Variants in STARD13 observed in about 807,000 individuals in gnomAD.
STARD13 encodes the protein StAR related lipid transfer domain containing 13, also known as stAR-related lipid transfer protein 13.
STARD13 carries 62 observed loss-of-function variants against 106.4 expected under a neutral mutation model. That is an observed-to-expected ratio of 0.58 (90% confidence interval 0.48 to 0.72). The LOEUF is 0.72. STARD13 is among the 30% of genes least tolerant of loss of function. The pLI is 0.00. For missense variants in STARD13, 1,387 were observed against 1,424.0 expected, an observed-to-expected ratio of 0.97 and a Z score of 0.42; for synonymous variants, 565 against 553.0, an observed-to-expected ratio of 1.02 and a Z score of -0.31.
At chr13:33,587,230 A>AAAT in the STARD13 span, among the ~76,000 whole-genome samples, 4 of 151,458 alleles carry the variant, frequency 2.6e-5, no homozygotes, top group African/African-American at 9.7e-5. Flanking sequence ...AAAAAAAAAA[A>AAAT]AAATTCTCTT....
the STARD13 span, among the ~76,000 whole-genome samples, chr13:33,477,737 C>T: frequency 2.0e-5 from 3 of 152,166 alleles, no homozygotes; most frequent in Admixed American, 6.5e-5. Flanking sequence ...GATCAATGAC[C>T]AGATTCCCCA....
At chr13:33,422,475 T>C in the STARD13 span, among the ~76,000 whole-genome samples, 1 of 152,172 alleles carries the variant, frequency 6.6e-6, no homozygotes, top group African/African-American at 2.4e-5. Flanking sequence ...CATTCCATGC[T>C]CATGGATAGG....
In STARD13 at chr13:33,177,750, A is replaced by G. The variant is rs779094514; in HGVS notation, c.170-10128T>C. On this transcript the variant is annotated intron_variant, in intron 1 of 13. Coordinates refer to ENST00000336934, the MANE Select transcript of STARD13 (RefSeq NM_178006.4). ...AGAAAGGGAGGGAGGAAGGAAGGAAAAAAGGAAGGAAGGAAGGAAAGGAAG... is the reference window on the plus strand; with the variant it reads ...AGAAAGGGAGGGAGGAAGGAAGGAAGAAAGGAAGGAAGGAAGGAAAGGAAG... Among the ~76,000 whole-genome samples the G allele has an allele frequency of 7.5e-5, 5 of 66,522 alleles. 2 individuals are homozygous for G. The highest frequency in any genetic ancestry group is 8.8e-4 in the South Asian group (2 of 2,282). 43.6% of individuals were successfully genotyped at this position (66,522 alleles called of 152,430 possible).
At chr13:33,259,924 A>C (rs1250027899) in intron 1 of STARD13, among the ~76,000 whole-genome samples, 1 of 143,276 alleles carries the variant, frequency 7.0e-6, no homozygotes, top group Non-Finnish European at 1.5e-5. Context: ...CGAACTCAGG[A>C]GGTGGAAGTT....
intron 3 of STARD13, among the ~76,000 whole-genome samples, chr13:33,152,535 C>T (rs1453481298): frequency 6.6e-6 from 1 of 152,134 alleles, no homozygotes; most frequent in Non-Finnish European, 1.5e-5. Context: ...TTTGCAGTGT[C>T]CCACCTCAGA....
the STARD13 span, among the ~76,000 whole-genome samples, chr13:33,516,860 G>T: frequency 6.6e-6 from 1 of 150,698 alleles, no homozygotes; most frequent in Admixed American, 6.6e-5. Context: ...AGGATCACTT[G>T]AGCCCAGCAG....
chr13:33,418,427 G>C, the STARD13 span, among the ~76,000 whole-genome samples: 1 of 152,226 alleles, frequency 6.6e-6, no homozygotes, highest in Non-Finnish European at 1.5e-5. Context: ...GGTAAACAAA[G>C]CTGCCAGGGA....
At chr13:33,451,440 A>G in the STARD13 span, among the ~76,000 whole-genome samples, 45,328 of 152,038 alleles carry the variant, frequency 0.3, 7,562 homozygotes, top group Non-Finnish European at 0.39. Flanking sequence ...TAGGTGAAAC[A>G]TAGGGCCCGG....
At chr13:33,426,571 T>C in the STARD13 span, among the ~76,000 whole-genome samples, 1 of 152,220 alleles carries the variant, frequency 6.6e-6, no homozygotes, top group African/African-American at 2.4e-5. Flanking sequence ...CATTGGGCTA[T>C]TTCATTATAT....
chr13:33,556,520 G>C, the STARD13 span, among the ~76,000 whole-genome samples: 4 of 152,160 alleles, frequency 2.6e-5, no homozygotes, highest in Admixed American at 1.3e-4. Flanking sequence ...GGCCTCAAGT[G>C]ACCCTCCCAC....
intron 1 of STARD13, among the ~76,000 whole-genome samples, chr13:33,177,299 A>C (rs1884617579): frequency 6.6e-6 from 1 of 152,224 alleles, no homozygotes; most frequent in African/African-American, 2.4e-5. Flanking sequence ...TCTGATTGTA[A>C]GAGTAGCAAA....
intron 1 of STARD13, among the ~76,000 whole-genome samples, chr13:33,169,094 C>T (rs1463316670): frequency 6.6e-6 from 1 of 152,210 alleles, no homozygotes; most frequent in Non-Finnish European, 1.5e-5. Flanking sequence ...CAGCATGTTC[C>T]TACCATGTAC....
chr13:33,540,410 G>A, the STARD13 span, among the ~76,000 whole-genome samples: 1 of 152,156 alleles, frequency 6.6e-6, no homozygotes, highest in South Asian at 2.1e-4. Flanking sequence ...TTGAATCCAA[G>A]CTCAGTGATA....
At chr13:33,534,604 C>T in the STARD13 span, among the ~76,000 whole-genome samples, 1 of 152,156 alleles carries the variant, frequency 6.6e-6, no homozygotes, top group Admixed American at 6.5e-5. Flanking sequence ...AGAAAAGGAA[C>T]CTTTTCTAAT....
chr13:33,532,878 G>A, the STARD13 span, among the ~76,000 whole-genome samples: 1 of 152,138 alleles, frequency 6.6e-6, no homozygotes, highest in African/African-American at 2.4e-5. Flanking sequence ...ACTGGGTCAA[G>A]GAAGTACAAG....
At chr13:33,151,308 T>G (rs1394334906) in intron 3 of STARD13, among the ~76,000 whole-genome samples, 1 of 152,138 alleles carries the variant, frequency 6.6e-6, no homozygotes, top group Non-Finnish European at 1.5e-5. Flanking sequence ...GAGCATGGTG[T>G]TGGCCTCTGC....
intron 7 of STARD13, among the ~76,000 whole-genome samples, chr13:33,122,422 C>T (rs965386502): frequency 6.6e-6 from 1 of 152,212 alleles, no homozygotes; most frequent in Non-Finnish European, 1.5e-5. Flanking sequence ...CAGCCTGGGC[C>T]ATCACACAGG....
At chr13:33,409,201 G>T in the STARD13 span, among the ~76,000 whole-genome samples, 1 of 151,950 alleles carries the variant, frequency 6.6e-6, no homozygotes, top group Non-Finnish European at 1.5e-5. Flanking sequence ...AAACATTTTT[G>T]TACGATTTAT....
the STARD13 span, among the ~76,000 whole-genome samples, chr13:33,410,703 C>T: frequency 3.3e-5 from 5 of 152,180 alleles, no homozygotes; most frequent in Admixed American, 1.3e-4. Flanking sequence ...CTCTTTTAAG[C>T]GCTCCTCACA....
Sources: gnomAD v4.1 joint callset for allele counts (sites outside exome capture counted in the v4.1 genomes callset) on GRCh38, gnomAD v4.1.1 for gene constraint, MANE v1.5 for transcripts, NCBI Gene and HGNC (gene_info 2026-07-23, HGNC 2026-07-21) for gene names.